Variants in MBTD1 observed in about 807,000 individuals in gnomAD.
MBTD1 encodes the protein mbt domain containing 1, also known as MBT domain-containing protein 1.
A neutral mutation model predicts 87.8 loss-of-function variants in MBTD1; 24 were observed. That is an observed-to-expected ratio of 0.27 (90% confidence interval 0.20 to 0.38). The LOEUF (loss-of-function observed/expected upper bound fraction) is 0.38. Ranked by LOEUF, MBTD1 falls within the 10% of genes least tolerant of loss-of-function variation. The pLI is 1.00. For synonymous variants in MBTD1, 237 were observed against 248.6 expected (o/e 0.95, Z 0.44); for missense variants, 436 against 760.2 (o/e 0.57, Z 5.02).
upstream of MBTD1, chr17:51,260,507 G>A (rs931699419): frequency 2.7e-6 from 4 of 1,458,494 alleles, no homozygotes; most frequent in South Asian, 2.8e-5. Context: ...GGCTTCGGCG[G>A]CGGCGGCCCG....
At chr17:51,260,629 C>T (rs759319588), upstream of MBTD1, 1 of 1,612,646 alleles carries the variant, frequency 6.2e-7, no homozygotes. Context: ...ACCGGAGAAC[C>T]GGAGCGAAGC....
intron 2 of MBTD1, among the ~76,000 whole-genome samples, chr17:51,255,020 C>T (rs916646883): frequency 6.6e-6 from 1 of 152,144 alleles, no homozygotes; most frequent in African/African-American, 2.4e-5. Context: ...CAGTGGCTCA[C>T]GCCTGTAATC....
intron 2 of MBTD1, among the ~76,000 whole-genome samples, chr17:51,245,420 T>C (rs1398292328): frequency 1.3e-5 from 2 of 152,204 alleles, no homozygotes; most frequent in Admixed American, 6.5e-5. Flanking sequence ...TTTTATTTCA[T>C]TGTACCTTGA....
intron 6 of MBTD1, among the ~76,000 whole-genome samples, chr17:51,210,083 C>A (rs536964419): frequency 1.8e-4 from 28 of 152,232 alleles, no homozygotes; most frequent in African/African-American, 6.7e-4. Context: ...CTCACTGCAA[C>A]CTCCGCCTCC....
Position 51,180,904 on chromosome 17 carries a change from A to G in MBTD1, c.1769-210T>C, listed in dbSNP as rs534971033. The stretch of plus-strand genomic sequence containing the variant: ...CATCTTCAATGAAATGTTCGCAGTA[A>G]TGGTGCTCACTAATCTGACTGGGAT... On this transcript the variant is annotated intron_variant, in intron 16 of 16. Transcript: ENST00000586178. Among the ~76,000 whole-genome samples the G allele has an allele frequency of 2.6e-5, 4 of 152,304 alleles. No individual in the cohort carries two copies. In the East Asian group the frequency reaches 7.7e-4, roughly 29 times the overall value.
At chr17:51,229,661 T>A (rs1408377901) in intron 2 of MBTD1, among the ~76,000 whole-genome samples, 14 of 14,766 alleles carry the variant, frequency 9.5e-4, no homozygotes, top group Admixed American at 3.8e-3. Flanking sequence ...TTTAGTATAC[T>A]TTTTTTTTTT....
chr17:51,256,445 A>T (rs1406804896), intron 2 of MBTD1: 1 of 152,186 alleles, frequency 6.6e-6, no homozygotes, highest in Non-Finnish European at 1.5e-5. Flanking sequence ...TTCCCTAACC[A>T]ACCTGATAAA....
intron 3 of MBTD1, among the ~76,000 whole-genome samples, chr17:51,223,887 T>C (rs1268707835): frequency 6.6e-6 from 1 of 152,182 alleles, no homozygotes; most frequent in African/African-American, 2.4e-5. Context: ...AAAGGTTATA[T>C]AGAGAGATCC....
intron 4 of MBTD1, among the ~76,000 whole-genome samples, chr17:51,219,801 T>C (rs2052780548): frequency 6.6e-6 from 1 of 152,234 alleles, no homozygotes; most frequent in African/African-American, 2.4e-5. Flanking sequence ...CCAGTCATTT[T>C]GTAGGCACTG....
At chr17:51,183,956 A>G (rs931083688) in intron 16 of MBTD1, 12 of 152,256 alleles carry the variant, frequency 7.9e-5, no homozygotes, top group Admixed American at 7.2e-4. Context: ...AACATGTTTC[A>G]TTCAAACGGA....
chr17:51,216,214 G>A (rs1353509183), intron 6 of MBTD1, among the ~76,000 whole-genome samples: 2 of 152,158 alleles, frequency 1.3e-5, no homozygotes, highest in Non-Finnish European at 2.9e-5. Context: ...TTACAGGCGT[G>A]AGCCACCGTG....
chr17:51,192,754 A>C, intron 15 of MBTD1, 28 bp downstream of exon 15: 1 of 1,610,196 alleles, frequency 6.2e-7, no homozygotes, highest in Non-Finnish European at 8.5e-7. Context: ...TTTTTACAAA[A>C]GGACACCTTT....
chr17:51,242,592 C>T (rs1288979165), intron 2 of MBTD1, among the ~76,000 whole-genome samples: 4 of 152,122 alleles, frequency 2.6e-5, no homozygotes, highest in Non-Finnish European at 5.9e-5. Context: ...CCTCCATCAT[C>T]CTTATTGGAT....
At chr17:51,190,512 C>T (rs2050741816) in intron 16 of MBTD1, among the ~76,000 whole-genome samples, 1 of 150,304 alleles carries the variant, frequency 6.7e-6, no homozygotes, top group African/African-American at 2.5e-5. Flanking sequence ...CGCTTGAGCC[C>T]AGGAGTTTGA....
intron 7 of MBTD1, among the ~76,000 whole-genome samples, chr17:51,204,754 G>A (rs1414437300): frequency 6.6e-6 from 1 of 152,102 alleles, no homozygotes; most frequent in African/African-American, 2.4e-5. Flanking sequence ...GCCCGCCTTG[G>A]CCTCCCAAAG....
intron 6 of MBTD1, among the ~76,000 whole-genome samples, chr17:51,213,242 T>A (rs2052361746): frequency 6.6e-6 from 1 of 151,332 alleles, no homozygotes; most frequent in South Asian, 2.1e-4. Flanking sequence ...ATGTTGCTCA[T>A]GCTAGTCTCA....
At chr17:51,204,481 T>C (rs570464618) in intron 7 of MBTD1, among the ~76,000 whole-genome samples, 17 of 140,166 alleles carry the variant, frequency 1.2e-4, no homozygotes, top group African/African-American at 4.3e-4. Context: ...TATATATTTA[T>C]TTATATTATA....
intron 16 of MBTD1, 138 bp downstream of exon 16, chr17:51,192,065 G>T: frequency 3.0e-6 from 2 of 675,472 alleles, no homozygotes; most frequent in South Asian, 1.7e-5. Flanking sequence ...GCCTTTTATG[G>T]CATACTGCAC....
intron 2 of MBTD1, among the ~76,000 whole-genome samples, chr17:51,239,086 C>G (rs979195694): frequency 7.5e-6 from 1 of 134,030 alleles, no homozygotes; most frequent in Non-Finnish European, 1.6e-5. Context: ...GGCGACCAAG[C>G]GAGTCTCCAT....
Sources: gnomAD v4.1 joint callset for allele counts (sites outside exome capture counted in the v4.1 genomes callset) on GRCh38, gnomAD v4.1.1 for gene constraint, MANE v1.5 for transcripts, NCBI Gene and HGNC (gene_info 2026-07-23, HGNC 2026-07-21) for gene names.